Variants in GNE observed in about 807,000 individuals in gnomAD.
GNE encodes glucosamine (UDP-N-acetyl)-2-epimerase/N-acetylmannosamine kinase.
A neutral mutation model predicts 61.8 loss-of-function variants in GNE; 41 were observed. The ratio of observed to expected loss-of-function variants is 0.66; its 90% confidence interval spans 0.52 to 0.86. The LOEUF is 0.86. Among genes scored for constraint, GNE ranks in the 40% least tolerant of loss-of-function variants. GNE has a pLI of 0.00. For synonymous variants in GNE, 264 were observed against 326.4 expected (o/e 0.81, Z 2.06); for missense variants, 608 against 909.1 (o/e 0.67, Z 4.26).
At chr9:36,240,854 T>C (rs1181074127) in intron 3 of GNE, among the ~76,000 whole-genome samples, 3 of 152,198 alleles carry the variant, frequency 2.0e-5, no homozygotes, top group Non-Finnish European at 4.4e-5. Flanking sequence ...GTTCAGGGTA[T>C]GTAATTCTTC....
intron 5 of GNE, among the ~76,000 whole-genome samples, chr9:36,233,523 C>T (rs1166900015): frequency 5.3e-5 from 8 of 152,022 alleles, no homozygotes; most frequent in Admixed American, 2.0e-4. Context: ...AAAAATTAGC[C>T]GGGCTTGGTG....
intron 1 of GNE, among the ~76,000 whole-genome samples, chr9:36,253,162 AAT>A (rs1269206028): frequency 2.7e-5 from 4 of 150,870 alleles, no homozygotes; most frequent in Non-Finnish European, 3.0e-5. Flanking sequence ...TCTCTATCTA[AAT>A]ATATATATAT....
chr9:36,234,209 C>T (rs929359544), intron 4 of GNE, 77 bp from the exon 5 acceptor site: 55 of 1,138,680 alleles, frequency 4.8e-5, no homozygotes, highest in Middle Eastern at 1.9e-4. Flanking sequence ...GTATAGCCCA[C>T]GTAAAGAAAT....
chr9:36,224,817 C>G (rs1587289576), intron 7 of GNE, among the ~76,000 whole-genome samples: 2 of 152,166 alleles, frequency 1.3e-5, no homozygotes, highest in African/African-American at 4.8e-5. Flanking sequence ...TTGCAGTAAG[C>G]CGAGATCATA....
chr9:36,224,592 GC>G (rs1197028986), intron 7 of GNE, among the ~76,000 whole-genome samples: 2 of 152,042 alleles, frequency 1.3e-5, no homozygotes, highest in Non-Finnish European at 2.9e-5. Context: ...TATATGGCCG[GC>G]CGTGGTGGCT....
chr9:36,233,843 AC>A lies in GNE; in HGVS notation c.982+76del, dbSNP rs759670059. The stretch of plus-strand genomic sequence containing the variant: ...CTTGTTCACAAAATATATGCTCAGT[AC>A]TGATATATGCATACCTTATAACAAC... On this transcript the variant is annotated intron_variant, in intron 5 of 11. Coordinates refer to ENST00000642385, the MANE Select transcript of GNE (RefSeq NM_005476.7). 3 of 1,061,012 alleles carry A rather than the reference AC, an allele frequency of 2.8e-6. No individual in the cohort carries two copies. The African/African-American group carries it at 4.7e-5, about 16-fold the overall frequency. The allele number at this position is 1,061,012 out of a possible 1,614,324, so 65.7% of individuals were successfully genotyped here. A position where few individuals can be genotyped will look rare whatever the true frequency, so the allele number is the denominator to read the frequency against.
intron 1 of GNE, among the ~76,000 whole-genome samples, chr9:36,263,915 C>T (rs1195179735): frequency 6.6e-6 from 1 of 152,076 alleles, no homozygotes; most frequent in East Asian, 1.9e-4. Flanking sequence ...TAAAGTAGCT[C>T]TCTGAAACAT....
chr9:36,237,064 C>T, intron 3 of GNE, 80 bp from the exon 4 acceptor site: 1 of 1,139,132 alleles, frequency 8.8e-7, no homozygotes, highest in Non-Finnish European at 1.3e-6. Context: ...GAAAGCAAGA[C>T]TCTAAGTCTG....
intron 1 of GNE, among the ~76,000 whole-genome samples, chr9:36,273,605 C>T (rs1016059404): frequency 1.3e-5 from 2 of 151,912 alleles, no homozygotes; most frequent in African/African-American, 4.8e-5. Context: ...CCTGTTTCAC[C>T]AGATTTTTCT....
chr9:36,241,264 T>C (rs1052541344), intron 3 of GNE, among the ~76,000 whole-genome samples: 15 of 152,130 alleles, frequency 9.9e-5, no homozygotes, highest in Non-Finnish European at 2.1e-4. Context: ...TACAGGCCTA[T>C]GCCACTACGC....
intron 2 of GNE, among the ~76,000 whole-genome samples, chr9:36,246,731 C>T (rs1220373971): frequency 6.9e-6 from 1 of 143,960 alleles, no homozygotes; most frequent in African/African-American, 2.6e-5. Flanking sequence ...TGCAGTAGCG[C>T]GATCTAGGCT....
At chr9:36,260,867 T>TTAA (rs1830591670), upstream of GNE, among the ~76,000 whole-genome samples, 1 of 19,722 alleles carries the variant, frequency 5.1e-5, no homozygotes, top group Non-Finnish European at 9.2e-5. Flanking sequence ...AGACTCTATC[T>TTAA]CAAAAAAAAA....
In GNE at chr9:36,216,828, A is replaced by G. The variant is rs1828332040; in HGVS notation, c.*537T>C. On this transcript the variant is annotated 3_prime_UTR_variant, in exon 12 of 12. Transcript: ENST00000642385. ...CTGGGACCCGCCACCACACCCAGCT[A>G]ATTTTTTGTATTTTTAGTAGAGACG... 6.0e-6 allele frequency: 1 copy of G among 166,206 alleles called. No homozygotes were observed. The highest frequency in any genetic ancestry group is 1.3e-5 in the Non-Finnish European group (1 of 76,170). 10.3% of individuals were successfully genotyped at this position (166,206 alleles called of 1,614,324 possible).
Position 36,229,089 on chromosome 9 carries a change from G to T in GNE, c.1002C>A (p.Val334=). Residue 334 remains valine, a synonymous_variant, in exon 6 of 12, where the codon GTC becomes GTA. Transcript: ENST00000642385. The part of the protein sequence containing the change: ...GRETGENVLH[V]RDADTQDKIL... The stretch of plus-strand genomic sequence containing the variant: ...TTTTGTCTTGGGTGTCAGCATCCCG[G>T]ACATGAAGAACATTCTCCCCTAGGT... 1 of 1,607,096 alleles carries T rather than the reference G, an allele frequency of 6.2e-7. No homozygotes were observed. The highest frequency in any genetic ancestry group is 8.5e-7 in the Non-Finnish European group (1 of 1,173,688).
At position 36,270,587 on chromosome 9, in the gene GNE, G is replaced by A. The variant is rs180697171; in HGVS notation, c.51+6307C>T. Among the ~76,000 whole-genome samples, 436 of 150,006 alleles carry A rather than the reference G, an allele frequency of 2.9e-3. 1 individual carries two copies. The highest frequency in any genetic ancestry group is 7.0e-3 in the Middle Eastern group (2 of 284). On this transcript the variant is annotated intron_variant, in intron 1 of 11. Coordinates refer to the GNE transcript ENST00000396594. ...GGCCGTACTGCAGTGGCACGATCTCGGCTCACTGCAAGCTCCGCCTCCTGG... is the reference window on the plus strand; with the variant it reads ...GGCCGTACTGCAGTGGCACGATCTCAGCTCACTGCAAGCTCCGCCTCCTGG...
intron 1 of GNE, among the ~76,000 whole-genome samples, chr9:36,254,664 A>G (rs1167012086): frequency 1.3e-5 from 2 of 152,026 alleles, no homozygotes; most frequent in Non-Finnish European, 2.9e-5. Context: ...TCAAGAATTG[A>G]GTTTCGGCCG....
Position 36,246,331 on chromosome 9 carries a change from TATC to T in GNE, c.313_315del (p.Asp105del), listed in dbSNP as rs1829872846. The T allele has an allele frequency of 6.2e-7, 1 of 1,614,098 alleles. No homozygotes were observed. Among genetic ancestry groups the T allele is most frequent in the Non-Finnish European group, 8.5e-7 (1 of 1,180,046 alleles). On this transcript the variant is annotated inframe_deletion, in exon 3 of 12. Transcript: ENST00000642385. ...AACCTGTCTCCATGAACAATCATGA[TATC>T]AGGCTTCAGGCGATTAAGGACATCT...
chr9:36,246,005 G>A (rs746393523), intron 3 of GNE, 26 bp downstream of exon 3: 5 of 1,557,946 alleles, frequency 3.2e-6, no homozygotes, highest in Admixed American at 1.7e-5. Context: ...ACAGCCATTA[G>A]ACTGACTAAA....
At chr9:36,272,936 A>G (rs1831095561) in intron 1 of GNE, among the ~76,000 whole-genome samples, 1 of 146,204 alleles carries the variant, frequency 6.8e-6, no homozygotes, top group Admixed American at 6.8e-5. Flanking sequence ...AAAAAAAAAA[A>G]AAGCTGGGCA....
Sources: allele counts gnomAD v4.1 joint callset (sites outside exome capture counted in the v4.1 genomes callset), GRCh38; gene constraint gnomAD v4.1.1; transcripts MANE v1.5; gene names NCBI Gene and HGNC (gene_info 2026-07-23, HGNC 2026-07-21).